The following TMEM164 variants were observed in gnomAD, a reference collection of about 807,000 sequenced individuals.
The protein encoded by TMEM164 is RP13-360B22.2.
In TMEM164, 4 loss-of-function variants were observed where a neutral mutation model predicts 18.8. That is an observed-to-expected ratio of 0.21 (90% CI 0.10 to 0.49). TMEM164 has a LOEUF of 0.49. Ranked by LOEUF, TMEM164 falls within the 20% of genes least tolerant of loss-of-function variation. The pLI, the probability that TMEM164 is intolerant of heterozygous loss-of-function variation, is 0.98. For missense variants in TMEM164, 108 were observed against 239.9 expected, an observed-to-expected ratio of 0.45 and a Z score of 3.63; for synonymous variants, 86 against 101.7, an observed-to-expected ratio of 0.85 and a Z score of 0.93.
At chrX:110,084,362 G>A (rs5985443) in intron 3 of TMEM164, among the ~76,000 whole-genome samples, 112 of 11,225 alleles carry the variant, frequency 1.0e-2, no homozygotes, top group Non-Finnish European at 0.023. Context: ...TATATATATA[G>A]TATAGTATAT....
chrX:110,158,042 A>G (rs2067042010), intron 5 of TMEM164, among the ~76,000 whole-genome samples: 1 of 108,898 alleles, frequency 9.2e-6, no homozygotes, highest in African/African-American at 3.5e-5. Flanking sequence ...ACATGCCACC[A>G]TGCTTGGCTA....
intron 5 of TMEM164, among the ~76,000 whole-genome samples, chrX:110,154,784 A>G (rs2066993578): frequency 8.9e-6 from 1 of 111,788 alleles, no homozygotes; most frequent in Admixed American, 9.5e-5. Context: ...CTGCCTGTCC[A>G]TGGAGTCGCT....
At chrX:110,067,263 T>C in intron 2 of TMEM164, 84 bp from the exon 3 acceptor site, 3 of 974,976 alleles carry the variant, frequency 3.1e-6, no homozygotes, top group Non-Finnish European at 4.4e-6. Flanking sequence ...TTTTGGTTAT[T>C]TTTTGTTATT....
At chrX:110,007,886 A>C (rs902582444) in intron 2 of TMEM164, among the ~76,000 whole-genome samples, 3 of 112,153 alleles carry the variant, frequency 2.7e-5, no homozygotes, top group African/African-American at 9.7e-5. Flanking sequence ...CTGATTAGGC[A>C]CAGAACTTAG....
At chrX:110,107,907 G>C (rs1296403339) in intron 3 of TMEM164, among the ~76,000 whole-genome samples, 1 of 110,737 alleles carries the variant, frequency 9.0e-6, no homozygotes, top group African/African-American at 3.3e-5. Context: ...TGATCTGCCA[G>C]CCTCTGCCTC....
At chrX:110,124,651 G>A (rs781055428) in intron 4 of TMEM164, among the ~76,000 whole-genome samples, 5 of 111,916 alleles carry the variant, frequency 4.5e-5, no homozygotes, top group Non-Finnish European at 9.4e-5. Context: ...GTCCTATGAT[G>A]TAGTGGATAA....
At chrX:110,180,496 C>T (rs1280636883), downstream of TMEM164, among the ~76,000 whole-genome samples, 1 of 104,450 alleles carries the variant, frequency 9.6e-6, no homozygotes, top group African/African-American at 4.1e-5. Flanking sequence ...CCCCCCCGCC[C>T]CGCCCACAGT....
intron 2 of TMEM164, among the ~76,000 whole-genome samples, chrX:110,059,690 C>T (rs779463450): frequency 1.8e-5 from 2 of 112,113 alleles, no homozygotes; most frequent in Non-Finnish European, 3.8e-5. Context: ...TGCAGCCCAA[C>T]ACAAATTCAT....
chrX:110,150,271 T>C (rs2066921207), intron 5 of TMEM164, among the ~76,000 whole-genome samples: 1 of 111,462 alleles, frequency 9.0e-6, no homozygotes, highest in African/African-American at 3.3e-5. Flanking sequence ...TTCTTGTAGA[T>C]GGGCAAAATG....
chrX:110,122,628 T>C (rs765835956), intron 4 of TMEM164, among the ~76,000 whole-genome samples: 1 of 112,029 alleles, frequency 8.9e-6, no homozygotes, highest in Non-Finnish European at 1.9e-5. Flanking sequence ...AAGTTTCATA[T>C]TCAGGAACAT....
At chrX:110,050,293 G>A (rs1057060424) in intron 2 of TMEM164, among the ~76,000 whole-genome samples, 7 of 111,691 alleles carry the variant, frequency 6.3e-5, no homozygotes, top group Non-Finnish European at 1.1e-4. Context: ...GGCAAAACAC[G>A]TTTTGGTGCT....
intron 3 of TMEM164, among the ~76,000 whole-genome samples, chrX:110,079,951 G>GTACA (rs1331454892): frequency 9.0e-6 from 1 of 110,528 alleles, no homozygotes; most frequent in Non-Finnish European, 1.9e-5. Context: ...TACACATTGT[G>GTACA]TACATGTACC....
chrX:110,023,199 A>C (rs1934000865), intron 2 of TMEM164, among the ~76,000 whole-genome samples: 1 of 111,925 alleles, frequency 8.9e-6, no homozygotes, highest in African/African-American at 3.3e-5. Flanking sequence ...AAGAGTTCTA[A>C]AGATGGCTAA....
intron 5 of TMEM164, among the ~76,000 whole-genome samples, chrX:110,147,079 G>T (rs1420736136): frequency 9.0e-6 from 1 of 111,495 alleles, no homozygotes; most frequent in Non-Finnish European, 1.9e-5. Flanking sequence ...GTTTGGGGTG[G>T]GTGGGTAGGT....
intron 2 of TMEM164, among the ~76,000 whole-genome samples, chrX:110,060,919 C>T (rs1008023733): frequency 8.9e-5 from 10 of 112,111 alleles, no homozygotes; most frequent in Non-Finnish European, 1.5e-4. Flanking sequence ...GGCATTTGAA[C>T]TAGGTACCTC....
chrX:110,066,403 C>T (rs1045385525), intron 2 of TMEM164, among the ~76,000 whole-genome samples: 4 of 112,116 alleles, frequency 3.6e-5, no homozygotes, highest in African/African-American at 1.3e-4. Context: ...ATCCTCAGTT[C>T]TGCTGAATGT....
chrX:110,122,494 G>A (rs1382179791), intron 4 of TMEM164, among the ~76,000 whole-genome samples: 2 of 106,009 alleles, frequency 1.9e-5, no homozygotes, highest in Non-Finnish European at 3.9e-5. Flanking sequence ...GTTAATGGGT[G>A]CAGCACACCA....
chrX:110,138,719 A>G (rs2066726004), intron 4 of TMEM164, among the ~76,000 whole-genome samples: 1 of 112,399 alleles, frequency 8.9e-6, no homozygotes, highest in South Asian at 3.7e-4. Flanking sequence ...GAGACCTGAA[A>G]ATAGACCAGG....
chrX:110,104,889 C>A (rs1006633040), intron 3 of TMEM164, among the ~76,000 whole-genome samples: 1 of 110,849 alleles, frequency 9.0e-6, no homozygotes, highest in African/African-American at 3.3e-5. Context: ...GTTCAAAGAT[C>A]AGCTGTATAT....
Sources: allele counts gnomAD v4.1 joint callset (sites outside exome capture counted in the v4.1 genomes callset), GRCh38; gene constraint gnomAD v4.1.1; transcripts MANE v1.5; gene names NCBI Gene and HGNC (gene_info 2026-07-23, HGNC 2026-07-21).